AMMECR1: variants seen among roughly 807,000 people sequenced by gnomAD.
AMMECR1 encodes nuclear protein AMMECR1.
AMMECR1 carries 3 observed loss-of-function variants against 22.5 expected under a neutral mutation model. That is an observed-to-expected ratio of 0.13 (90% CI 0.06 to 0.35). AMMECR1 has a LOEUF of 0.35. Among genes scored for constraint, AMMECR1 ranks in the 10% least tolerant of loss-of-function variants. AMMECR1 has a pLI of 1.00. For missense variants in AMMECR1, 235 were observed against 278.7 expected (o/e 0.84, Z 1.12); for synonymous variants, 130 against 116.7 (o/e 1.11, Z -0.74).
chrX:110,328,158 T>G (rs1400520258), intron 2 of AMMECR1, among the ~76,000 whole-genome samples: 1 of 112,373 alleles, frequency 8.9e-6, no homozygotes, highest in Non-Finnish European at 1.9e-5. Flanking sequence ...TAGTGATTAC[T>G]TTGAGCATAG....
chrX:110,336,190 C>T (rs927763782), intron 2 of AMMECR1, among the ~76,000 whole-genome samples: 1 of 111,591 alleles, frequency 9.0e-6, no homozygotes, highest in Non-Finnish European at 1.9e-5. Context: ...GGCAAATTAC[C>T]ATCCTGCCTA....
intron 1 of AMMECR1, among the ~76,000 whole-genome samples, chrX:110,439,700 G>A (rs1183827607): frequency 1.8e-5 from 2 of 111,307 alleles, no homozygotes; most frequent in Admixed American, 9.5e-5. Flanking sequence ...GGGAAAGAAC[G>A]AACAGGCATT....
intron 1 of AMMECR1, among the ~76,000 whole-genome samples, chrX:110,280,413 AAAAT>A (rs1421832956): frequency 8.9e-6 from 1 of 112,024 alleles, no homozygotes; most frequent in Non-Finnish European, 1.9e-5. Flanking sequence ...ATGTGCCATA[AAAAT>A]AAACATTAAA....
At chrX:110,271,866 T>G (rs1312997391) in intron 1 of AMMECR1, among the ~76,000 whole-genome samples, 1 of 111,434 alleles carries the variant, frequency 9.0e-6, no homozygotes, top group African/African-American at 3.3e-5. Context: ...TTGGAAGTCC[T>G]ATTCTGAACC....
At chrX:110,272,297 A>G (rs1043059125) in intron 1 of AMMECR1, among the ~76,000 whole-genome samples, 1 of 111,544 alleles carries the variant, frequency 9.0e-6, no homozygotes, top group East Asian at 2.8e-4. Context: ...CCGATTCCTA[A>G]GCTAAATGTT....
At chrX:110,322,302 T>C, upstream of AMMECR1, among the ~76,000 whole-genome samples, 1 of 112,165 alleles carries the variant, frequency 8.9e-6, no homozygotes, top group Non-Finnish European at 1.9e-5. Flanking sequence ...AAGAAGATGA[T>C]CAAACAGAGT....
chrX:110,278,033 TATG>T (rs1021501137), intron 1 of AMMECR1, among the ~76,000 whole-genome samples: 8 of 111,900 alleles, frequency 7.1e-5, no homozygotes, highest in Middle Eastern at 4.7e-3. Flanking sequence ...TTTTTTCAGC[TATG>T]ATGATTTAAA....
chrX:110,361,934 T>C (rs924980690), intron 2 of AMMECR1, among the ~76,000 whole-genome samples: 1 of 111,899 alleles, frequency 8.9e-6, no homozygotes, highest in Admixed American at 9.5e-5. Flanking sequence ...CCAATAAAAC[T>C]GTATTTACCA....
rs746554437 is a variant in AMMECR1 at position 110,282,449 on chromosome X, G to GC, written c.474-17851_474-17850insG. On this transcript the variant is annotated intron_variant, in intron 1 of 5. Coordinates refer to ENST00000262844, the MANE Select transcript of AMMECR1 (RefSeq NM_015365.3). ...GCAAGATGGGGACTGCCTACTTGATGAACTGCTACAGGAATCCAAGGACGC... is the reference window on the plus strand; with the variant it reads ...GCAAGATGGGGACTGCCTACTTGATGCAACTGCTACAGGAATCCAAGGACGC... Among the ~76,000 whole-genome samples, 574 of 110,614 alleles carry GC rather than the reference G, an allele frequency of 5.2e-3. 2 individuals are homozygous for GC. Among genetic ancestry groups the GC allele is most frequent in the African/African-American group, 0.018 (557 of 30,279 alleles).
At chrX:110,247,790 T>C (rs1200534981) in intron 2 of AMMECR1, among the ~76,000 whole-genome samples, 5 of 112,116 alleles carry the variant, frequency 4.5e-5, no homozygotes, top group African/African-American at 1.3e-4. Context: ...TCATTATTAT[T>C]AACAGGCAGT....
At chrX:110,318,282 CCTCGCGCCTGTCCCGCCCGA>C, upstream of AMMECR1, 1 of 125,535 alleles carries the variant, frequency 8.0e-6, no homozygotes, top group Non-Finnish European at 1.5e-5. Flanking sequence ...CGGCTGGGCG[CCTCGCGCCTGTCCCGCCCGA>C]CTCGTGCCTC....
intron 1 of AMMECR1, among the ~76,000 whole-genome samples, chrX:110,310,343 T>C (rs1228568578): frequency 9.0e-6 from 1 of 111,625 alleles, no homozygotes; most frequent in African/African-American, 3.3e-5. Context: ...AAAGCCTCTC[T>C]TCTTTTACTT....
intron 2 of AMMECR1, among the ~76,000 whole-genome samples, chrX:110,387,963 G>A (rs776907999): frequency 1.6e-4 from 17 of 104,357 alleles, no homozygotes; most frequent in South Asian, 4.6e-4. Context: ...CCGGGTTCAC[G>A]CCATTCTCCT....
At chrX:110,311,033 T>A (rs2068020842) in intron 1 of AMMECR1, among the ~76,000 whole-genome samples, 1 of 111,996 alleles carries the variant, frequency 8.9e-6, no homozygotes. Context: ...TTAATTTCCT[T>A]GAAGTTTTAT....
At chrX:110,399,491 A>C (rs1232253340) in intron 2 of AMMECR1, among the ~76,000 whole-genome samples, 1 of 112,219 alleles carries the variant, frequency 8.9e-6, no homozygotes, top group Non-Finnish European at 1.9e-5. Flanking sequence ...GGAGTGAAAA[A>C]ATCATTTTTG....
At chrX:110,391,521 G>A (rs939852306) in intron 2 of AMMECR1, among the ~76,000 whole-genome samples, 1 of 111,999 alleles carries the variant, frequency 8.9e-6, no homozygotes, top group African/African-American at 3.2e-5. Context: ...ACTACTTTAT[G>A]TAGAAATCTT....
chrX:110,416,922 A>G (rs754577393), intron 2 of AMMECR1, among the ~76,000 whole-genome samples: 1 of 111,950 alleles, frequency 8.9e-6, no homozygotes, highest in Non-Finnish European at 1.9e-5. Context: ...TTGCTAAAGG[A>G]AGAGGAAGCT....
intron 2 of AMMECR1, among the ~76,000 whole-genome samples, chrX:110,422,270 C>T (rs2068722873): frequency 8.9e-6 from 1 of 112,924 alleles, no homozygotes; most frequent in East Asian, 2.8e-4. Flanking sequence ...TTACCTGGCC[C>T]TCAGACAAGC....
chrX:110,387,320 C>T (rs1327683315), intron 2 of AMMECR1, among the ~76,000 whole-genome samples: 1 of 112,131 alleles, frequency 8.9e-6, no homozygotes, highest in Non-Finnish European at 1.9e-5. Flanking sequence ...CTTACAGACA[C>T]GTTTGGTTTG....
Sources: gnomAD v4.1 joint callset for allele counts (sites outside exome capture counted in the v4.1 genomes callset) on GRCh38, gnomAD v4.1.1 for gene constraint, MANE v1.5 for transcripts, NCBI Gene and HGNC (gene_info 2026-07-23, HGNC 2026-07-21) for gene names.